QTMAN: variants seen among roughly 807,000 people sequenced by gnomAD.
The protein encoded by QTMAN is tRNA-queuosine alpha-mannosyltransferase.
chr2:144,239,063 T>C, the QTMAN span, among the ~76,000 whole-genome samples: 1 of 151,164 alleles, frequency 6.6e-6, no homozygotes, highest in South Asian at 2.1e-4. Flanking sequence ...CAAATAGGCA[T>C]ACAGAGACCA....
chr2:144,216,952 T>C, the QTMAN span, among the ~76,000 whole-genome samples: 1 of 152,202 alleles, frequency 6.6e-6, no homozygotes, highest in African/African-American at 2.4e-5. Context: ...TAGGCTTTTA[T>C]TTAACAGAGA....
At chr2:143,986,494 A>G in the QTMAN span, among the ~76,000 whole-genome samples, 12 of 152,218 alleles carry the variant, frequency 7.9e-5, no homozygotes, top group Admixed American at 4.6e-4. Context: ...AGAGCTAAGG[A>G]AAGTCAATTG....
chr2:144,279,322 C>T, the QTMAN span, among the ~76,000 whole-genome samples: 1 of 151,448 alleles, frequency 6.6e-6, no homozygotes, highest in Non-Finnish European at 1.5e-5. Flanking sequence ...CACCCCGCTT[C>T]CCTCACACTC....
At chr2:143,953,804 T>G in the QTMAN span, among the ~76,000 whole-genome samples, 1 of 151,960 alleles carries the variant, frequency 6.6e-6, no homozygotes, top group African/African-American at 2.4e-5. Flanking sequence ...AAATTTATTT[T>G]GAACTGCAGA....
chr2:144,164,352 C>G, the QTMAN span, among the ~76,000 whole-genome samples: 3 of 151,976 alleles, frequency 2.0e-5, no homozygotes, highest in African/African-American at 7.3e-5. Flanking sequence ...TAGACCACTG[C>G]TTGGTACATT....
chr2:143,983,172 A>C, the QTMAN span, among the ~76,000 whole-genome samples: 1 of 152,328 alleles, frequency 6.6e-6, no homozygotes, highest in African/African-American at 2.4e-5. Context: ...AATCAGTCTG[A>C]GACTTAATTT....
At chr2:144,188,705 T>C in the QTMAN span, among the ~76,000 whole-genome samples, 2 of 152,210 alleles carry the variant, frequency 1.3e-5, no homozygotes, top group South Asian at 4.2e-4. Flanking sequence ...TGATCAACTA[T>C]CTCAAAAATA....
the QTMAN span, among the ~76,000 whole-genome samples, chr2:144,190,639 C>T: frequency 1.3e-5 from 2 of 152,242 alleles, 1 homozygote; most frequent in East Asian, 3.9e-4. Context: ...CTCTAATAAT[C>T]ACTGATGCCT....
the QTMAN span, among the ~76,000 whole-genome samples, chr2:144,138,239 G>A: frequency 5.9e-5 from 9 of 152,028 alleles, no homozygotes; most frequent in Non-Finnish European, 1.0e-4. Context: ...TGTGGACTAC[G>A]AACTGACCAC....
At chr2:143,976,182 C>CT in the QTMAN span, among the ~76,000 whole-genome samples, 6,497 of 149,844 alleles carry the variant, frequency 0.043, 253 homozygotes, top group East Asian at 0.16. Context: ...CAGTTTTTGA[C>CT]TTTTTTTTTT....
chr2:144,048,816 G>A, the QTMAN span, among the ~76,000 whole-genome samples: 1 of 142,408 alleles, frequency 7.0e-6, no homozygotes, highest in Non-Finnish European at 1.5e-5. Flanking sequence ...GCACACACAT[G>A]CATACACACA....
chr2:144,105,038 C>A, the QTMAN span, among the ~76,000 whole-genome samples: 1 of 152,232 alleles, frequency 6.6e-6, no homozygotes, highest in African/African-American at 2.4e-5. Flanking sequence ...CGACCTGCAG[C>A]TGAGGGTCCT....
the QTMAN span, among the ~76,000 whole-genome samples, chr2:143,971,312 G>A: frequency 0.076 from 11,614 of 152,066 alleles, 809 homozygotes; most frequent in African/African-American, 0.17. Context: ...CTCATTTTAA[G>A]TAATTGAATG....
chr2:144,239,815 C>T, the QTMAN span, among the ~76,000 whole-genome samples: 1 of 152,302 alleles, frequency 6.6e-6, no homozygotes, highest in East Asian at 1.9e-4. Flanking sequence ...GGACCCAATT[C>T]ATGTGATCCT....
chr2:144,125,494 A>G, the QTMAN span, among the ~76,000 whole-genome samples: 1 of 151,970 alleles, frequency 6.6e-6, no homozygotes, highest in Non-Finnish European at 1.5e-5. Context: ...TTCGTACCCT[A>G]ACCTGCTGTG....
the QTMAN span, among the ~76,000 whole-genome samples, chr2:144,075,242 A>G: frequency 1.3e-5 from 2 of 152,198 alleles, no homozygotes; most frequent in Admixed American, 1.3e-4. Context: ...ATTAGGAGAA[A>G]TCGAGAATAA....
At chr2:143,970,298 A>G in the QTMAN span, among the ~76,000 whole-genome samples, 1 of 152,202 alleles carries the variant, frequency 6.6e-6, no homozygotes, top group Non-Finnish European at 1.5e-5. Flanking sequence ...AGCCAATACC[A>G]ATGTGAGCAG....
At chr2:144,164,927 T>TG in the QTMAN span, among the ~76,000 whole-genome samples, 1 of 152,242 alleles carries the variant, frequency 6.6e-6, no homozygotes. Flanking sequence ...TCCAAATAGA[T>TG]GATCTATCAA....
At chr2:144,228,826 C>T in the QTMAN span, among the ~76,000 whole-genome samples, 3 of 152,222 alleles carry the variant, frequency 2.0e-5, no homozygotes, top group African/African-American at 7.2e-5. Flanking sequence ...GGCGTGATGG[C>T]ATGTGCCTGT....
Sources: allele counts gnomAD v4.1 joint callset (sites outside exome capture counted in the v4.1 genomes callset), GRCh38; gene constraint gnomAD v4.1.1; transcripts MANE v1.5; gene names NCBI Gene and HGNC (gene_info 2026-07-23, HGNC 2026-07-21).